CPNE4: variants seen among roughly 807,000 people sequenced by gnomAD.
CPNE4 encodes copine-4.
CPNE4 carries 25 observed loss-of-function variants against 67.9 expected under a neutral mutation model. The ratio of observed to expected loss-of-function variants is 0.37; its 90% CI spans 0.27 to 0.51. The LOEUF (loss-of-function observed/expected upper bound fraction) is 0.51, where lower values mean the gene tolerates loss of function less well. Ranked by LOEUF, CPNE4 falls within the 20% of genes least tolerant of loss-of-function variation. CPNE4 has a pLI of 0.93. For missense variants in CPNE4, 464 were observed against 690.8 expected (o/e 0.67, Z 3.68); for synonymous variants, 242 against 244.9 (o/e 0.99, Z 0.11).
At chr3:131,619,797 A>G (rs145457515) in intron 7 of CPNE4, among the ~76,000 whole-genome samples, 1 of 152,324 alleles carries the variant, frequency 6.6e-6, no homozygotes, top group East Asian at 1.9e-4. Flanking sequence ...CATGTTTAAT[A>G]TACACCCTAA....
At chr3:131,789,357 A>T (rs2083652713) in intron 2 of CPNE4, among the ~76,000 whole-genome samples, 1 of 152,170 alleles carries the variant, frequency 6.6e-6, no homozygotes, top group South Asian at 2.1e-4. Context: ...TGAGGTTATA[A>T]ATATCCACCT....
At chr3:131,892,562 T>C (rs1364809483) in intron 2 of CPNE4, among the ~76,000 whole-genome samples, 1 of 129,286 alleles carries the variant, frequency 7.7e-6, no homozygotes, top group Non-Finnish European at 1.6e-5. Flanking sequence ...AATGGTGCTA[T>C]ATAAATCTCT....
intron 3 of CPNE4, among the ~76,000 whole-genome samples, chr3:131,713,607 C>A (rs1583064408): frequency 6.6e-6 from 1 of 152,218 alleles, no homozygotes; most frequent in East Asian, 1.9e-4. Flanking sequence ...CACCATATCA[C>A]AGAGAGGTTA....
At chr3:131,904,207 G>T (rs565507828) in intron 2 of CPNE4, among the ~76,000 whole-genome samples, 3 of 152,226 alleles carry the variant, frequency 2.0e-5, no homozygotes, top group Middle Eastern at 3.4e-3. Context: ...ATGTGGTTTT[G>T]CTACCTTCCA....
Position 131,979,898 on chromosome 3 carries a change from G to A in CPNE4, c.-2+54669C>T, listed in dbSNP as rs549465055. The stretch of plus-strand genomic sequence containing the variant: ...CTTGTAGGGGTGGCTTGGTAATGGT[G>A]AATTCTCTCAGCATTTGTCTGTCTG... On this transcript the variant is annotated intron_variant, in intron 1 of 15. Coordinates refer to ENST00000429747, the MANE Select transcript of CPNE4 (RefSeq NM_130808.3). Among the ~76,000 whole-genome samples the A allele has an allele frequency of 2.2e-3, 333 of 152,178 alleles. 1 individual carries two copies. Among genetic ancestry groups the A allele is most frequent in the African/African-American group, 5.5e-3 (229 of 41,538 alleles).
chr3:131,870,811 A>G (rs149696253), intron 2 of CPNE4, among the ~76,000 whole-genome samples: 145 of 152,312 alleles, frequency 9.5e-4, no homozygotes, highest in African/African-American at 3.2e-3. Flanking sequence ...ATAGCACACT[A>G]AGCCACATTA....
At chr3:131,771,950 C>T (rs2083177226) in intron 2 of CPNE4, among the ~76,000 whole-genome samples, 1 of 152,056 alleles carries the variant, frequency 6.6e-6, no homozygotes, top group South Asian at 2.1e-4. Flanking sequence ...GTCATTTTTG[C>T]CCATACATTT....
At chr3:131,563,637 C>A (rs1936904704) in intron 11 of CPNE4, among the ~76,000 whole-genome samples, 1 of 151,994 alleles carries the variant, frequency 6.6e-6, no homozygotes, top group Non-Finnish European at 1.5e-5. Context: ...TTACCAATAG[C>A]TTTTGAGGTC....
intron 2 of CPNE4, among the ~76,000 whole-genome samples, chr3:131,754,206 A>G (rs747946056): frequency 6.6e-6 from 1 of 152,208 alleles, no homozygotes; most frequent in African/African-American, 2.4e-5. Context: ...TTTCCATCAT[A>G]TAAATCAATG....
intron 7 of CPNE4, among the ~76,000 whole-genome samples, chr3:131,646,939 C>T (rs1560041839): frequency 6.6e-6 from 1 of 152,164 alleles, no homozygotes; most frequent in Non-Finnish European, 1.5e-5. Context: ...AGCATTTACT[C>T]ACAGATGGTA....
Position 131,639,951 on chromosome 3 carries a change from T to C in CPNE4, c.681+29724A>G, listed in dbSNP as rs140103795. Among the ~76,000 whole-genome samples, 1,142 of 152,156 alleles carry C rather than the reference T, an allele frequency of 7.5e-3. 17 individuals carry two copies. The highest frequency in any genetic ancestry group is 0.026 in the African/African-American group (1,091 of 41,514). ...GATGCATAAAAAGCATTTGACAAAA[T>C]CCAGTATCCCTTTATGATTAAAACC... is the stretch of plus-strand genomic sequence containing the variant. On this transcript the variant is annotated intron_variant, in intron 7 of 15. Coordinates refer to ENST00000429747, the MANE Select transcript of CPNE4 (RefSeq NM_130808.3).
At chr3:131,862,399 C>T (rs545220779) in intron 2 of CPNE4, among the ~76,000 whole-genome samples, 1 of 152,258 alleles carries the variant, frequency 6.6e-6, no homozygotes, top group East Asian at 1.9e-4. Context: ...ACCCACAGTT[C>T]CTGCTCTAGC....
In CPNE4 at chr3:131,745,186, G is replaced by T. The variant is rs569128180; in HGVS notation, c.181-21561C>A. On this transcript the variant is annotated intron_variant, in intron 2 of 15. Coordinates refer to ENST00000429747, the MANE Select transcript of CPNE4 (RefSeq NM_130808.3). ...ATTTTAATTTTCATAATAGCCTAAT[G>T]ATGTCAAACACCTTTTCATGTACTT... Among the ~76,000 whole-genome samples the T allele has an allele frequency of 3.6e-4, 55 of 152,216 alleles. 1 individual carries two copies. Among genetic ancestry groups the T allele is most frequent in the African/African-American group, 1.3e-3 (53 of 41,540 alleles).
chr3:131,577,805 C>G (rs1057195590), intron 9 of CPNE4, among the ~76,000 whole-genome samples: 1 of 152,034 alleles, frequency 6.6e-6, no homozygotes, highest in African/African-American at 2.4e-5. Flanking sequence ...CTATGAGTCA[C>G]TAGGTGATAG....
intron 15 of CPNE4, chr3:131,537,568 C>T: frequency 3.9e-6 from 1 of 256,188 alleles, no homozygotes; most frequent in Non-Finnish European, 7.6e-6. Context: ...CAGGCGTGAG[C>T]CACCGCACCC....
chr3:131,628,523 G>C (rs1189101961), intron 7 of CPNE4, among the ~76,000 whole-genome samples: 1 of 152,274 alleles, frequency 6.6e-6, no homozygotes, highest in Non-Finnish European at 1.5e-5. Context: ...AATCTGTCTG[G>C]TCCTGGACTT....
intron 3 of CPNE4, among the ~76,000 whole-genome samples, chr3:131,719,576 C>T (rs903178945): frequency 2.0e-5 from 3 of 152,248 alleles, no homozygotes; most frequent in African/African-American, 2.4e-5. Context: ...TTTTTAGTTC[C>T]TCATATGTGC....
chr3:131,958,970 C>CT (rs869035381), intron 1 of CPNE4, among the ~76,000 whole-genome samples: 1 of 19,266 alleles, frequency 5.2e-5, no homozygotes, highest in African/African-American at 2.7e-4. Flanking sequence ...ATACACCTTT[C>CT]TTTTTTTTTT....
intron 7 of CPNE4, among the ~76,000 whole-genome samples, chr3:131,596,651 A>AAAAAAAAAAAAG (rs1938890212): frequency 6.7e-6 from 1 of 148,950 alleles, no homozygotes; most frequent in Non-Finnish European, 1.5e-5. Context: ...AAAAAAAAAA[A>AAAAAAAAAAAAG]ATTAAGTAAA....
Sources: allele counts gnomAD v4.1 joint callset (sites outside exome capture counted in the v4.1 genomes callset), GRCh38; gene constraint gnomAD v4.1.1; transcripts MANE v1.5; gene names NCBI Gene and HGNC (gene_info 2026-07-23, HGNC 2026-07-21).